The following FRMD4A variants were observed in gnomAD, a reference collection of about 807,000 sequenced individuals.
FRMD4A encodes the protein FERM domain-containing protein 4A.
Under a neutral mutation model 129.1 loss-of-function variants are expected in FRMD4A, and 29 were observed. That is an observed-to-expected ratio of 0.22 (90% CI 0.17 to 0.31). The LOEUF is 0.31. Ranked by LOEUF, FRMD4A falls within the 10% of genes least tolerant of loss-of-function variation. The pLI is 1.00. For missense variants in FRMD4A, 1,272 were observed against 1,375.8 expected, an observed-to-expected ratio of 0.92 and a Z score of 1.19; for synonymous variants, 634 against 571.6, an observed-to-expected ratio of 1.11 and a Z score of -1.56.
At chr10:14,054,036 G>T (rs1322421259) in intron 2 of FRMD4A, among the ~76,000 whole-genome samples, 1 of 151,898 alleles carries the variant, frequency 6.6e-6, no homozygotes, top group Non-Finnish European at 1.5e-5. Context: ...AATTAGCTAG[G>T]TACCTGCAGT....
At chr10:13,965,305 C>T (rs2447013) in intron 2 of FRMD4A, among the ~76,000 whole-genome samples, 19,300 of 152,044 alleles carry the variant, frequency 0.13, 2,982 homozygotes, top group African/African-American at 0.36. Flanking sequence ...TGGCACCAGG[C>T]TGTGAAGGTA....
chr10:14,030,021 T>C (rs1186770861), intron 2 of FRMD4A, among the ~76,000 whole-genome samples: 5 of 152,174 alleles, frequency 3.3e-5, no homozygotes, highest in African/African-American at 1.2e-4. Flanking sequence ...ATATACTGCA[T>C]CATCTCACTT....
chr10:14,255,315 A>C lies in FRMD4A; in HGVS notation c.45+74743T>G, dbSNP rs117966108. Among the ~76,000 whole-genome samples the C allele has an allele frequency of 1.2e-4, 18 of 152,322 alleles. No homozygotes were observed. The East Asian group carries it at 3.3e-3, about 28-fold the overall frequency. On this transcript the variant is annotated intron_variant, in intron 2 of 24. Coordinates refer to ENST00000357447, the MANE Select transcript of FRMD4A (RefSeq NM_018027.5). Reference sequence around the variant, plus strand: ...CTCGTTGCTGCCTTCTAACATAGCCACAGTGCTACCCATATCAGCTGTCTT... The same window carrying C: ...CTCGTTGCTGCCTTCTAACATAGCCCCAGTGCTACCCATATCAGCTGTCTT...
chr10:14,018,085 T>G (rs2131642481), intron 2 of FRMD4A, among the ~76,000 whole-genome samples: 1 of 152,230 alleles, frequency 6.6e-6, no homozygotes, highest in South Asian at 2.1e-4. Context: ...ATGCAGTTAA[T>G]AGACTGTTGA....
rs7096916 is a variant in FRMD4A at position 13,843,232 on chromosome 10, A to G, written c.111+15615T>C. 2.5e-3 allele frequency among the ~76,000 whole-genome samples: 386 copies of G among 152,216 alleles called. 4 individuals carry two copies. The highest frequency in any genetic ancestry group is 8.8e-3 in the African/African-American group (367 of 41,530). Reference sequence around the variant, plus strand: ...ACCCACTCCCAGCCTCTGACTCAGTATATTGGGGGTGCCGACCGGGAACTT... The same window carrying G: ...ACCCACTCCCAGCCTCTGACTCAGTGTATTGGGGGTGCCGACCGGGAACTT... On this transcript the variant is annotated intron_variant, in intron 3 of 24. Transcript: ENST00000357447.
chr10:13,830,628 A>G (rs962468948), intron 3 of FRMD4A, among the ~76,000 whole-genome samples: 3 of 152,214 alleles, frequency 2.0e-5, no homozygotes, highest in African/African-American at 7.2e-5. Context: ...TAACCCCAGC[A>G]TTGCCATTGA....
At chr10:13,836,951 G>A (rs1436732760) in intron 3 of FRMD4A, among the ~76,000 whole-genome samples, 4 of 152,056 alleles carry the variant, frequency 2.6e-5, no homozygotes, top group East Asian at 1.9e-4. Context: ...TAGAGACGGG[G>A]TTTCACCGTG....
intron 2 of FRMD4A, among the ~76,000 whole-genome samples, chr10:14,263,507 A>G (rs1021451250): frequency 2.6e-5 from 4 of 152,080 alleles, no homozygotes; most frequent in African/African-American, 7.2e-5. Flanking sequence ...CTCATTGTCA[A>G]TTGCCTTCAC....
intron 12 of FRMD4A, among the ~76,000 whole-genome samples, chr10:13,728,683 G>T (rs1025729346): frequency 6.8e-6 from 1 of 146,860 alleles, no homozygotes; most frequent in Admixed American, 7.3e-5. Flanking sequence ...CAATTCTCCT[G>T]TCTCAGCCTC....
chr10:14,295,100 G>T lies in FRMD4A; in HGVS notation c.45+34958C>A, dbSNP rs151262814. ...TCAGCCTGTATGAACTCAGGCCTTG[G>T]CATAGTTTTACATGGAGTGGAAGAA... is the stretch of plus-strand genomic sequence containing the variant. On this transcript the variant is annotated intron_variant, in intron 2 of 24. Transcript: ENST00000357447. Among the ~76,000 whole-genome samples, 391 of 152,286 alleles carry T rather than the reference G, an allele frequency of 2.6e-3. 1 individual carries two copies. Among genetic ancestry groups the T allele is most frequent in the African/African-American group, 8.8e-3 (366 of 41,560 alleles).
Position 13,950,893 on chromosome 10 carries a change from T to C in FRMD4A, c.46-91981A>G, listed in dbSNP as rs12414554. ...TTGCCATGGAGAATGGAAGCTTCCC[T>C]TATATTTGAGAGTCACAGATAAGCT... On this transcript the variant is annotated intron_variant, in intron 2 of 24. Transcript: ENST00000357447. Among the ~76,000 whole-genome samples the C allele has an allele frequency of 4.5e-4, 69 of 152,354 alleles. 1 individual carries two copies. The highest frequency in any genetic ancestry group is 4.2e-3 in the Admixed American group (65 of 15,308).
chr10:13,985,083 G>A (rs984423434), intron 2 of FRMD4A, among the ~76,000 whole-genome samples: 3 of 152,258 alleles, frequency 2.0e-5, no homozygotes, highest in African/African-American at 4.8e-5. Flanking sequence ...GCTGGTGTGG[G>A]CTTCAGGTAA....
chr10:13,701,258 C>T, intron 14 of FRMD4A, 82 bp downstream of exon 14: 8 of 1,347,234 alleles, frequency 5.9e-6, no homozygotes, highest in Non-Finnish European at 8.4e-6. Context: ...GACATGGCGC[C>T]TCCCCCACCC....
At chr10:13,876,435 T>C (rs1327979017) in intron 2 of FRMD4A, among the ~76,000 whole-genome samples, 1 of 152,230 alleles carries the variant, frequency 6.6e-6, no homozygotes, top group Admixed American at 6.5e-5. Flanking sequence ...TTTTCTCATA[T>C]AAATGTGTGG....
chr10:13,836,274 A>G (rs2093872771), intron 3 of FRMD4A, among the ~76,000 whole-genome samples: 1 of 152,234 alleles, frequency 6.6e-6, no homozygotes, highest in Non-Finnish European at 1.5e-5. Context: ...CTGGGATTAC[A>G]GGTGTGAGCC....
chr10:13,880,444 A>T (rs1009952020), intron 2 of FRMD4A, among the ~76,000 whole-genome samples: 1 of 152,166 alleles, frequency 6.6e-6, no homozygotes, highest in African/African-American at 2.4e-5. Context: ...GATTCTTGCA[A>T]ATGTGCTTCC....
intron 2 of FRMD4A, chr10:14,326,029 A>G (rs898988328): frequency 1.3e-5 from 2 of 152,194 alleles, no homozygotes; most frequent in African/African-American, 4.8e-5. Flanking sequence ...TATACATTTA[A>G]TTTTTTATGT....
chr10:14,199,994 C>G (rs1183407022), intron 2 of FRMD4A, among the ~76,000 whole-genome samples: 1 of 148,294 alleles, frequency 6.7e-6, no homozygotes, highest in East Asian at 2.0e-4. Context: ...AAGCTTAACA[C>G]ATCCATCACC....
At chr10:14,162,545 G>A (rs1454189986) in intron 2 of FRMD4A, among the ~76,000 whole-genome samples, 3 of 152,010 alleles carry the variant, frequency 2.0e-5, no homozygotes, top group Non-Finnish European at 4.4e-5. Context: ...GGGGATGTGT[G>A]GGGCACAGCT....
Sources: gnomAD v4.1 joint callset for allele counts (sites outside exome capture counted in the v4.1 genomes callset) on GRCh38, gnomAD v4.1.1 for gene constraint, MANE v1.5 for transcripts, NCBI Gene and HGNC (gene_info 2026-07-23, HGNC 2026-07-21) for gene names.